Variants in ANO1 observed in about 807,000 individuals in gnomAD.
ANO1 encodes anoctamin-1.
In ANO1, 59 loss-of-function variants were observed where a neutral mutation model predicts 124.0. The observed-to-expected ratio is 0.48, with a 90% CI of 0.39 to 0.59. The LOEUF (loss-of-function observed/expected upper bound fraction) is 0.59, where lower values mean the gene tolerates loss of function less well. Among genes scored for constraint, ANO1 ranks in the 20% least tolerant of loss-of-function variants. The pLI, the probability that ANO1 is intolerant of heterozygous loss-of-function variation, is 0.00. For synonymous variants in ANO1, 529 were observed against 532.0 expected (o/e 0.99, Z 0.08); for missense variants, 1,059 against 1,328.0 (o/e 0.80, Z 3.15).
intron 1 of ANO1, among the ~76,000 whole-genome samples, chr11:70,045,199 T>G (rs1857240345): frequency 6.6e-6 from 1 of 152,252 alleles, no homozygotes; most frequent in Non-Finnish European, 1.5e-5. Context: ...GCATTCCTTG[T>G]GCGATCTTGG....
At chr11:70,167,149 A>G in intron 20 of ANO1, 93 bp from the exon 21 acceptor site, 1 of 1,478,404 alleles carries the variant, frequency 6.8e-7, no homozygotes, top group South Asian at 1.4e-5. Context: ...CTCTGTCTCA[A>G]AAAGAAAAAA....
At chr11:70,088,507 CAAAAAAAAAA>C (rs35498359) in intron 2 of ANO1, among the ~76,000 whole-genome samples, 1 of 132,624 alleles carries the variant, frequency 7.5e-6, no homozygotes, top group Non-Finnish European at 1.6e-5. Context: ...GACTCTGCCT[CAAAAAAAAAA>C]AAAAAAAAAA....
chr11:70,176,447 T>C (rs2135801950), intron 22 of ANO1, among the ~76,000 whole-genome samples: 1 of 152,264 alleles, frequency 6.6e-6, no homozygotes, highest in East Asian at 1.9e-4. Context: ...ACACCCGGCC[T>C]ATTTTTAAAA....
intron 20 of ANO1, among the ~76,000 whole-genome samples, chr11:70,166,297 G>A (rs556389617): frequency 7.2e-5 from 11 of 152,220 alleles, no homozygotes; most frequent in African/African-American, 2.6e-4. Flanking sequence ...CAGCCTGGGC[G>A]ACAGACCGAG....
chr11:70,085,603 C>T, intron 1 of ANO1: 3 of 1,535,512 alleles, frequency 2.0e-6, no homozygotes, highest in African/African-American at 1.4e-5. Flanking sequence ...GTGCCAGGGA[C>T]ATGGCCCCAA....
At chr11:70,091,437 G>C (rs2044621156) in intron 2 of ANO1, among the ~76,000 whole-genome samples, 1 of 152,110 alleles carries the variant, frequency 6.6e-6, no homozygotes, top group Non-Finnish European at 1.5e-5. Context: ...AGCATCCCCG[G>C]CCTCTACCTG....
chr11:70,113,752 G>A (rs932091277), intron 7 of ANO1, among the ~76,000 whole-genome samples: 1 of 152,104 alleles, frequency 6.6e-6, no homozygotes, highest in Non-Finnish European at 1.5e-5. Context: ...AGAAATGAAC[G>A]TATCTGAGCA....
Position 70,087,819 on chromosome 11 carries a change from G to A in ANO1, c.176G>A (p.Arg59Gln), listed in dbSNP as rs780631314. 38 of 1,612,836 alleles carry A rather than the reference G, an allele frequency of 2.4e-5. No individual in the cohort carries two copies. Among genetic ancestry groups the A allele is most frequent in the South Asian group, 1.2e-4 (11 of 90,908 alleles). ...CKYGLYFRDGRRKVDYILVYH... is the reference protein window; with the variant it reads ...CKYGLYFRDGQRKVDYILVYH... The stretch of plus-strand genomic sequence containing the variant: ...TATGGCCTGTACTTCAGGGACGGCC[G>A]GCGCAAGGTGGACTACATCCTGGTG... Residue 59 changes from arginine to glutamine, a missense_variant, in exon 2 of 26, where the codon CGG (arginine) becomes CAG (glutamine). By Grantham distance (43) the Arg-to-Gln change is conservative. Around this residue, in one of 2 missense-constraint regions of ANO1, gnomAD observed 250 missense variants for 233.1 expected, o/e 1.07. Coordinates refer to ENST00000355303, the MANE Select transcript of ANO1 (RefSeq NM_018043.7).
chr11:70,132,545 C>T (rs940263517), intron 11 of ANO1, among the ~76,000 whole-genome samples: 5 of 152,178 alleles, frequency 3.3e-5, no homozygotes, highest in Non-Finnish European at 5.9e-5. Context: ...GATAAGGAGG[C>T]GAAGGCCTAA....
At chr11:70,096,397 G>A in intron 2 of ANO1, among the ~76,000 whole-genome samples, 1 of 152,178 alleles carries the variant, frequency 6.6e-6, no homozygotes, top group Admixed American at 6.5e-5. Flanking sequence ...AGGCCCCCCA[G>A]CAGGAGGTGA....
At chr11:70,104,615 G>C (rs1565204005) in intron 4 of ANO1, among the ~76,000 whole-genome samples, 1 of 152,214 alleles carries the variant, frequency 6.6e-6, no homozygotes, top group Non-Finnish European at 1.5e-5. Flanking sequence ...TTGCCTGGCA[G>C]GGCCACGTCT....
chr11:70,185,410 G>A (rs2049072973), intron 24 of ANO1, among the ~76,000 whole-genome samples, 180 bp from the exon 25 acceptor site: 1 of 152,144 alleles, frequency 6.6e-6, no homozygotes, highest in African/African-American at 2.4e-5. Flanking sequence ...CCCCTCCACT[G>A]TGGAGAGAGA....
intron 1 of ANO1, among the ~76,000 whole-genome samples, chr11:70,013,953 G>A (rs1482665621): frequency 6.6e-6 from 1 of 151,910 alleles, no homozygotes; most frequent in Non-Finnish European, 1.5e-5. Flanking sequence ...GCTTCTAGAT[G>A]GCCACCTCCT....
chr11:70,126,312 A>C (rs1590804787), intron 10 of ANO1, 117 bp downstream of exon 10: 1 of 1,304,028 alleles, frequency 7.7e-7, no homozygotes, highest in Non-Finnish European at 1.0e-6. Flanking sequence ...TACACATGAA[A>C]CCTCACGCCA....
chr11:70,095,684 G>A (rs1283592234), intron 2 of ANO1, among the ~76,000 whole-genome samples: 1 of 152,174 alleles, frequency 6.6e-6, no homozygotes. Context: ...AGGCCACGGT[G>A]GGGTATTTAC....
chr11:70,060,113 A>G (rs547267774), intron 1 of ANO1, among the ~76,000 whole-genome samples: 6 of 152,258 alleles, frequency 3.9e-5, no homozygotes, highest in African/African-American at 1.4e-4. Context: ...ATTGACAATG[A>G]AAGAGCCTTG....
rs368311574 is a variant in ANO1 at position 70,152,440 on chromosome 11, T to C, written c.1342-10T>C. ...TGTGTTTTTGTTTTTACTTTTCTGG[T>C]TCCCTGAAGGAGGCTGTCAAGGTTT... On this transcript the variant is annotated splice_polypyrimidine_tract_variant and intron_variant, in intron 12 of 25. Coordinates refer to ENST00000355303, the MANE Select transcript of ANO1 (RefSeq NM_018043.7). The C allele has an allele frequency of 4.3e-6, 7 of 1,612,216 alleles. No homozygotes were observed. In the African/African-American group the frequency reaches 8.0e-5, roughly 18 times the overall value.
chr11:70,160,364 AG>A (rs2047996276), intron 16 of ANO1, among the ~76,000 whole-genome samples: 1 of 152,072 alleles, frequency 6.6e-6, no homozygotes, highest in Non-Finnish European at 1.5e-5. Context: ...AGGGCGGGGC[AG>A]GGCAGGGTGA....
intron 1 of ANO1, among the ~76,000 whole-genome samples, chr11:70,052,613 C>T (rs1419513731): frequency 2.3e-5 from 3 of 129,180 alleles, no homozygotes; most frequent in Non-Finnish European, 4.7e-5. Context: ...AGTGCAATGG[C>T]GCGATCTTGG....
Sources: gnomAD v4.1 joint callset for allele counts (sites outside exome capture counted in the v4.1 genomes callset) on GRCh38, gnomAD v4.1.1 for gene constraint, gnomAD v4.1.1 regional missense constraint, MANE v1.5 for transcripts, NCBI Gene and HGNC (gene_info 2026-07-23, HGNC 2026-07-21) for gene names.